Variants in KIRREL3 observed in about 807,000 individuals in gnomAD.
KIRREL3 encodes the protein kin of IRRE-like protein 3.
A neutral mutation model predicts 89.7 loss-of-function variants in KIRREL3; 36 were observed. The observed-to-expected ratio is 0.40, with a 90% CI of 0.31 to 0.53. KIRREL3 has a LOEUF of 0.53. KIRREL3 is among the 20% of genes least tolerant of loss of function. The pLI, the probability that KIRREL3 is intolerant of heterozygous loss-of-function variation, is 0.49. For missense variants in KIRREL3, 864 were observed against 1,056.6 expected (o/e 0.82, Z 2.53); for synonymous variants, 445 against 441.4 (o/e 1.01, Z -0.10).
At chr11:126,923,248 T>TCTCCTTCTC (rs1947517353) in intron 1 of KIRREL3, among the ~76,000 whole-genome samples, 1 of 64,554 alleles carries the variant, frequency 1.5e-5, no homozygotes, top group African/African-American at 6.1e-5. Flanking sequence ...TTCTTCTTCT[T>TCTCCTTCTC]CTTCTTCTTC....
intron 1 of KIRREL3, among the ~76,000 whole-genome samples, chr11:126,820,055 T>C (rs1171296811): frequency 1.3e-5 from 2 of 152,324 alleles, no homozygotes; most frequent in South Asian, 2.1e-4. Flanking sequence ...TCATGTAAGA[T>C]TTTTAGAGCA....
At chr11:126,621,603 A>T (rs1943576888) in intron 1 of KIRREL3, among the ~76,000 whole-genome samples, 2 of 152,212 alleles carry the variant, frequency 1.3e-5, no homozygotes, top group African/African-American at 4.8e-5. Flanking sequence ...TATAAGAACC[A>T]TCTTGGTTGA....
In KIRREL3 at chr11:126,462,454, C is replaced by T. The variant is rs958607031; in HGVS notation, c.742+703G>A. On this transcript the variant is annotated intron_variant, in intron 6 of 16. Transcript: ENST00000525144. This position sits in a 1 kb window ranked among gnomAD's most constrained non-coding sequence, Gnocchi z 4.8. The stretch of plus-strand genomic sequence containing the variant: ...CCAAGGCGGGCGGAACACTTGAGGT[C>T]AGGAGTTTGAGACCAGCTTGGCCAA... Among the ~76,000 whole-genome samples the T allele has an allele frequency of 2.6e-5, 4 of 152,118 alleles. No individual in the cohort carries two copies. The highest frequency in any genetic ancestry group is 9.7e-5 in the African/African-American group (4 of 41,420).
rs376238878 is a variant in KIRREL3, at chr11:126,527,060, G to GGA, written c.134-375_134-374dup. ...GCAGTCCCACACCAGGGCAGAAACA[G>GGA]GAGAGAGAGAGAGAGACCTCTAGCT... On this transcript the variant is annotated intron_variant, in intron 2 of 16. Transcript: ENST00000525144. This position sits in a 1 kb window ranked among gnomAD's most constrained non-coding sequence, Gnocchi z 4.2. Among the ~76,000 whole-genome samples, 23 of 152,022 alleles carry GGA rather than the reference G, an allele frequency of 1.5e-4. No homozygotes were observed. Among genetic ancestry groups the GGA allele is most frequent in the South Asian group, 6.2e-4 (3 of 4,816 alleles).
In KIRREL3 at chr11:126,443,940, A is replaced by T. The variant is rs1313938500; in HGVS notation, c.1252+1039T>A. Among the ~76,000 whole-genome samples the T allele has an allele frequency of 6.6e-6, 1 of 152,158 alleles. No homozygotes were observed. Among genetic ancestry groups the T allele is most frequent in the Admixed American group, 6.5e-5 (1 of 15,272 alleles). Reference sequence around the variant, plus strand: ...CAGAGGTGAGGGGGGAGCATTCGGAAACGGCAGAGGAATCGAACTGGCAGC... The same window carrying T: ...CAGAGGTGAGGGGGGAGCATTCGGATACGGCAGAGGAATCGAACTGGCAGC... On this transcript the variant is annotated intron_variant, in intron 10 of 16. Transcript: ENST00000525144. The surrounding 1 kb of genome is among the most constrained non-coding windows in gnomAD (Gnocchi z 7.3).
chr11:127,000,360 A>T lies in KIRREL3; in HGVS notation c.55+95T>A. 1.0e-6 allele frequency: 1 copy of T among 983,906 alleles called. No homozygotes were observed. Among genetic ancestry groups the T allele is most frequent in the Non-Finnish European group, 1.5e-6 (1 of 662,570 alleles). The allele number at this position is 983,906 out of a possible 1,614,324, so 60.9% of individuals were successfully genotyped here. A position where few individuals can be genotyped will look rare whatever the true frequency, so the allele number is the denominator to read the frequency against. Reference sequence around the variant, plus strand: ...ACCGAGAGACGCATCCATCAGTCCGAGTTCCCGAAGCCTGCCCACGTTCCT... The same window carrying T: ...ACCGAGAGACGCATCCATCAGTCCGTGTTCCCGAAGCCTGCCCACGTTCCT... On this transcript the variant is annotated intron_variant, in intron 1 of 16. Coordinates refer to ENST00000525144, the MANE Select transcript of KIRREL3 (RefSeq NM_032531.4). The surrounding 1 kb of genome is among the most constrained non-coding windows in gnomAD (Gnocchi z 7.1).
intron 1 of KIRREL3, among the ~76,000 whole-genome samples, chr11:126,672,333 G>A (rs1840918385): frequency 1.3e-5 from 2 of 152,210 alleles, no homozygotes; most frequent in Admixed American, 6.5e-5. Flanking sequence ...GGACAGGGTG[G>A]TGCTGACATC....
intron 1 of KIRREL3, among the ~76,000 whole-genome samples, chr11:126,690,033 C>T (rs1946818574): frequency 6.6e-6 from 1 of 152,162 alleles, no homozygotes; most frequent in Non-Finnish European, 1.5e-5. Context: ...TCTCCTAAGT[C>T]ACTGGAGGAG....
rs1456123560 is a variant in KIRREL3, at chr11:126,636,931, A to T, written c.56-74019T>A. On this transcript the variant is annotated intron_variant, in intron 1 of 16. Coordinates refer to ENST00000525144, the MANE Select transcript of KIRREL3 (RefSeq NM_032531.4). The surrounding 1 kb of genome is among the most constrained non-coding windows in gnomAD (Gnocchi z 4.4). ...TATCATGGCATTACTGGAAGATAAAAAGAGATGACTGAGGGATAAAAAGGC... is the reference window on the plus strand; with the variant it reads ...TATCATGGCATTACTGGAAGATAAATAGAGATGACTGAGGGATAAAAAGGC... Among the ~76,000 whole-genome samples the T allele has an allele frequency of 6.6e-6, 1 of 152,178 alleles. No individual in the cohort carries two copies. The highest frequency in any genetic ancestry group is 2.4e-5 in the African/African-American group (1 of 41,448).
rs1453012426 is a variant in KIRREL3, at chr11:126,747,143, C to T, written c.56-184231G>A. 6.6e-6 allele frequency among the ~76,000 whole-genome samples: 1 copy of T among 152,210 alleles called. No homozygotes were observed. Among genetic ancestry groups the T allele is most frequent in the Admixed American group, 6.5e-5 (1 of 15,276 alleles). On this transcript the variant is annotated intron_variant, in intron 1 of 16. Coordinates refer to ENST00000525144, the MANE Select transcript of KIRREL3 (RefSeq NM_032531.4). This position sits in a 1 kb window ranked among gnomAD's most constrained non-coding sequence, Gnocchi z 4.7. ...GCTGTGTAGCTAACTTGTTTTCCTT[C>T]CCCATCAAATGAGCAAGTTGGCCTC...
At chr11:126,929,501 GAAAC>G (rs1327033299) in intron 1 of KIRREL3, among the ~76,000 whole-genome samples, 1 of 152,012 alleles carries the variant, frequency 6.6e-6, no homozygotes, top group Non-Finnish European at 1.5e-5. Flanking sequence ...TAAAAAGATC[GAAAC>G]AAAACCTAAG....
rs1295110966 is a variant in KIRREL3 at position 126,607,649 on chromosome 11, CA to C, written c.56-44738del. On this transcript the variant is annotated intron_variant, in intron 1 of 16. Transcript: ENST00000525144. The surrounding 1 kb of genome is among the most constrained non-coding windows in gnomAD (Gnocchi z 6.6). ...GCCCTTTGAGTTGTAACACTTAGGG[CA>C]GCTGCTAGCGAGGACAAAACAAAGC... is the stretch of plus-strand genomic sequence containing the variant. Among the ~76,000 whole-genome samples the C allele has an allele frequency of 1.3e-5, 2 of 152,206 alleles. No individual in the cohort carries two copies. Among genetic ancestry groups the C allele is most frequent in the Admixed American group, 6.5e-5 (1 of 15,282 alleles).
At chr11:126,549,715 T>G (rs1279763430) in intron 2 of KIRREL3, 1 of 152,226 alleles carries the variant, frequency 6.6e-6, no homozygotes, top group East Asian at 1.9e-4. Flanking sequence ...GTTGACATAG[T>G]GGAGACCCCA....
chr11:126,527,083 G>T lies in KIRREL3; in HGVS notation c.134-396C>A, dbSNP rs1958786863. On this transcript the variant is annotated intron_variant, in intron 2 of 16. Transcript: ENST00000525144. The surrounding 1 kb of genome is among the most constrained non-coding windows in gnomAD (Gnocchi z 4.2). ...CAGGAGAGAGAGAGAGAGACCTCTA[G>T]CTAGAAACATTCTGTGGTGGCTGTG... 6.6e-6 allele frequency among the ~76,000 whole-genome samples: 1 copy of T among 152,240 alleles called. No individual in the cohort carries two copies. Among genetic ancestry groups the T allele is most frequent in the Admixed American group, 6.5e-5 (1 of 15,294 alleles).
chr11:126,550,472 C>T lies in KIRREL3; in HGVS notation c.133+12363G>A, dbSNP rs1939168037. 6.6e-6 allele frequency: 1 copy of T among 152,124 alleles called. No individual in the cohort carries two copies. 9.4% of individuals were successfully genotyped at this position (152,124 alleles called of 1,614,324 possible). On this transcript the variant is annotated intron_variant, in intron 2 of 16. Coordinates refer to ENST00000525144, the MANE Select transcript of KIRREL3 (RefSeq NM_032531.4). The surrounding 1 kb of genome is among the most constrained non-coding windows in gnomAD (Gnocchi z 4.9). ...GACCAGCCTGCCCAACATGGCGAAA[C>T]CCTGTTTCTACTAAACATACAAAAA...
chr11:126,520,619 A>T lies in KIRREL3; in HGVS notation c.433+696T>A, dbSNP rs958059557. Among the ~76,000 whole-genome samples, 1 of 152,194 alleles carries T rather than the reference A, an allele frequency of 6.6e-6. No individual in the cohort carries two copies. Among genetic ancestry groups the T allele is most frequent in the African/African-American group, 2.4e-5 (1 of 41,444 alleles). ...GGGAGACTCCCGGGACTGAACTCTA[A>T]ATCAGAACTAGGCGGTTTAAGAGGT... is the stretch of plus-strand genomic sequence containing the variant. On this transcript the variant is annotated intron_variant, in intron 4 of 16. Transcript: ENST00000525144. This position sits in a 1 kb window ranked among gnomAD's most constrained non-coding sequence, Gnocchi z 4.9.
At chr11:126,854,734 T>C (rs947017482) in intron 1 of KIRREL3, among the ~76,000 whole-genome samples, 15 of 152,216 alleles carry the variant, frequency 9.9e-5, no homozygotes, top group Admixed American at 2.6e-4. Flanking sequence ...TTTGGGTATA[T>C]ACCTGGAAGT....
rs1337646315 is a variant in KIRREL3 at position 126,611,061 on chromosome 11, T to C, written c.56-48149A>G. On this transcript the variant is annotated intron_variant, in intron 1 of 16. Transcript: ENST00000525144. This position sits in a 1 kb window ranked among gnomAD's most constrained non-coding sequence, Gnocchi z 4.7. ...TTGCCTTAGGGGCTAAGAGTACAGG[T>C]GCAAGAGACAGACCGCCCACATTAA... 2.0e-5 allele frequency: 3 copies of C among 152,122 alleles called. No homozygotes were observed. The highest frequency in any genetic ancestry group is 2.9e-5 in the Non-Finnish European group (2 of 68,040). The allele number at this position is 152,122 out of a possible 1,614,324, so 9.4% of individuals were successfully genotyped here.
Position 126,636,906 on chromosome 11 carries a change from T to C in KIRREL3, c.56-73994A>G, listed in dbSNP as rs7130480. ...ATCAATACAATGAAAGTAACACCTATATCATGGCATTACTGGAAGATAAAA... is the reference window on the plus strand; with the variant it reads ...ATCAATACAATGAAAGTAACACCTACATCATGGCATTACTGGAAGATAAAA... On this transcript the variant is annotated intron_variant, in intron 1 of 16. Transcript: ENST00000525144. This position sits in a 1 kb window ranked among gnomAD's most constrained non-coding sequence, Gnocchi z 4.4. 0.25 allele frequency among the ~76,000 whole-genome samples: 38,575 copies of C among 152,110 alleles called. 5,358 individuals carry two copies. The highest frequency in any genetic ancestry group is 0.38 in the African/African-American group (15,770 of 41,466).
Sources: allele counts gnomAD v4.1 joint callset (sites outside exome capture counted in the v4.1 genomes callset), GRCh38; gene constraint gnomAD v4.1.1; non-coding constraint Gnocchi (gnomAD v3.1); transcripts MANE v1.5; gene names NCBI Gene and HGNC (gene_info 2026-07-23, HGNC 2026-07-21).